The following CACNB4 variants were observed in gnomAD, a reference collection of about 807,000 sequenced individuals.
The protein encoded by CACNB4 is voltage-dependent L-type calcium channel subunit beta-4.
CACNB4 carries 32 observed loss-of-function variants against 71.2 expected under a neutral mutation model. The ratio of observed to expected loss-of-function variants is 0.45; its 90% CI spans 0.34 to 0.60. CACNB4 has a LOEUF of 0.60. Ranked by LOEUF, CACNB4 falls within the 20% of genes least tolerant of loss-of-function variation. The probability of loss-of-function intolerance (pLI) is 0.01; values close to 1 mark genes in which losing one functional copy is unlikely to be tolerated. For synonymous variants in CACNB4, 231 were observed against 236.9 expected, an observed-to-expected ratio of 0.97 and a Z score of 0.23; for missense variants, 464 against 647.9, an observed-to-expected ratio of 0.72 and a Z score of 3.08.
chr2:151,971,491 C>T, intron 2 of CACNB4: 2 of 702,758 alleles, frequency 2.8e-6, no homozygotes, highest in Admixed American at 2.0e-5. Context: ...CACGCCTATC[C>T]ACCAGACCTG....
chr2:152,062,170 G>A (rs1178372393), intron 2 of CACNB4, among the ~76,000 whole-genome samples: 1 of 151,526 alleles, frequency 6.6e-6, no homozygotes, highest in Non-Finnish European at 1.5e-5. Flanking sequence ...CCTAATTTTT[G>A]GTTAACTACT....
chr2:152,080,744 G>A (rs946327551), intron 2 of CACNB4, among the ~76,000 whole-genome samples: 3 of 152,070 alleles, frequency 2.0e-5, no homozygotes, highest in African/African-American at 4.8e-5. Flanking sequence ...AATGTTAGAG[G>A]CAGGGCTTAC....
intron 10 of CACNB4, among the ~76,000 whole-genome samples, chr2:151,855,851 T>G (rs1009366651): frequency 1.3e-5 from 2 of 152,192 alleles, no homozygotes; most frequent in Admixed American, 1.3e-4. Flanking sequence ...ACCCCACAAC[T>G]CATCTGTTTT....
chr2:152,012,328 G>T (rs1036822364), intron 2 of CACNB4, among the ~76,000 whole-genome samples: 2 of 152,166 alleles, frequency 1.3e-5, no homozygotes, highest in Non-Finnish European at 2.9e-5. Flanking sequence ...TAATTAAAAG[G>T]CGTGGTGGCT....
chr2:152,083,235 T>C (rs1051292734), intron 2 of CACNB4, among the ~76,000 whole-genome samples: 17 of 152,120 alleles, frequency 1.1e-4, no homozygotes, highest in Admixed American at 3.9e-4. Context: ...CATATGTGTG[T>C]ACACATGCAC....
intron 2 of CACNB4, among the ~76,000 whole-genome samples, chr2:152,056,574 C>T (rs1685742567): frequency 6.6e-6 from 1 of 152,106 alleles, no homozygotes. Flanking sequence ...GACATGCCAC[C>T]CCCTAGTGAC....
At chr2:151,864,113 C>T (rs112348970) in intron 9 of CACNB4, among the ~76,000 whole-genome samples, 120 of 152,230 alleles carry the variant, frequency 7.9e-4, no homozygotes, top group African/African-American at 2.4e-3. Context: ...TGCTGAGACC[C>T]CCTAGTCTCA....
chr2:152,085,822 A>AC (rs1687631408), intron 2 of CACNB4, among the ~76,000 whole-genome samples: 1 of 132,636 alleles, frequency 7.5e-6, no homozygotes, highest in Non-Finnish European at 1.7e-5. Context: ...TTAAAAAAAA[A>AC]AAAAAACAAA....
chr2:152,036,684 T>C (rs541567708), intron 2 of CACNB4, among the ~76,000 whole-genome samples: 2 of 152,298 alleles, frequency 1.3e-5, no homozygotes, highest in African/African-American at 4.8e-5. Flanking sequence ...AGTGAGGATG[T>C]CGACCTCTAG....
Position 151,876,410 on chromosome 2 carries a change from A to G in CACNB4, c.521+16T>C. On this transcript the variant is annotated intron_variant, in intron 5 of 13. Coordinates refer to ENST00000539935, the MANE Select transcript of CACNB4 (RefSeq NM_000726.5). ...TTCTGACCAAAAAAAAGTGCATAGA[A>G]AAGATGGGAACGTACCCTCCGTGAA... 1 of 1,590,134 alleles carries G rather than the reference A, an allele frequency of 6.3e-7. No homozygotes were observed. The highest frequency in any genetic ancestry group is 2.3e-5 in the East Asian group (1 of 44,120).
intron 2 of CACNB4, among the ~76,000 whole-genome samples, chr2:152,034,052 G>GA (rs1041594638): frequency 3.7e-4 from 56 of 151,808 alleles, no homozygotes; most frequent in African/African-American, 1.2e-3. Flanking sequence ...CCTTACACAG[G>GA]AAAAAAAAGA....
chr2:152,087,294 T>G (rs1687712751), intron 2 of CACNB4, among the ~76,000 whole-genome samples: 1 of 151,656 alleles, frequency 6.6e-6, no homozygotes, highest in Non-Finnish European at 1.5e-5. Flanking sequence ...TAGCCAGGCA[T>G]GGTGGCACGT....
At chr2:151,908,119 GAGAGGCAGGGCCCAGGGA>G (rs1316543613) in intron 2 of CACNB4, among the ~76,000 whole-genome samples, 1 of 152,234 alleles carries the variant, frequency 6.6e-6, no homozygotes, top group South Asian at 2.1e-4. Flanking sequence ...AGCCCAGTCA[GAGAGGCAGGGCCCAGGGA>G]AAAGGAACAA....
At chr2:151,986,494 C>T (rs530494407) in intron 2 of CACNB4, among the ~76,000 whole-genome samples, 61 of 152,262 alleles carry the variant, frequency 4.0e-4, no homozygotes, top group African/African-American at 1.4e-3. Flanking sequence ...ATCCCACTCC[C>T]ATCTCTAAGA....
At chr2:151,988,310 C>G (rs569113781) in intron 2 of CACNB4, among the ~76,000 whole-genome samples, 2 of 152,160 alleles carry the variant, frequency 1.3e-5, no homozygotes, top group Non-Finnish European at 2.9e-5. Flanking sequence ...ACATTCTGGA[C>G]CCACTGAGCT....
At chr2:152,052,420 G>C (rs1203485629) in intron 2 of CACNB4, among the ~76,000 whole-genome samples, 5 of 152,060 alleles carry the variant, frequency 3.3e-5, no homozygotes, top group African/African-American at 4.8e-5. Flanking sequence ...TCATGCCACA[G>C]CCTAAGTAGC....
rs2099847607 is a variant in CACNB4, at chr2:151,880,710, T to C, written c.390+90A>G. 7 of 1,400,566 alleles carry C rather than the reference T, an allele frequency of 5.0e-6. No homozygotes were observed. The South Asian group carries it at 8.9e-5, about 18-fold the overall frequency. The allele number at this position is 1,400,566 out of a possible 1,614,324, so 86.8% of individuals were successfully genotyped here. ...ATCATGTACTGCACTGGCAGCTCCT[T>C]GGGTCTCCTCTCTGGCTAGTTTGGC... On this transcript the variant is annotated intron_variant, in intron 4 of 13. Coordinates refer to ENST00000539935, the MANE Select transcript of CACNB4 (RefSeq NM_000726.5).
intron 2 of CACNB4, among the ~76,000 whole-genome samples, chr2:151,912,720 T>G (rs2099856510): frequency 6.6e-6 from 1 of 151,940 alleles, no homozygotes; most frequent in Non-Finnish European, 1.5e-5. Flanking sequence ...TGAATATCCT[T>G]GTTAATTTTC....
At chr2:151,998,398 A>G (rs1458774719) in intron 2 of CACNB4, among the ~76,000 whole-genome samples, 2 of 152,112 alleles carry the variant, frequency 1.3e-5, no homozygotes, top group African/African-American at 2.4e-5. Flanking sequence ...TAGAAAGAGA[A>G]TATCATCTGA....
Sources: gnomAD v4.1 joint callset for allele counts (sites outside exome capture counted in the v4.1 genomes callset) on GRCh38, gnomAD v4.1.1 for gene constraint, MANE v1.5 for transcripts, NCBI Gene and HGNC (gene_info 2026-07-23, HGNC 2026-07-21) for gene names.